NRXN1: variants seen among roughly 807,000 people sequenced by gnomAD.
The protein encoded by NRXN1 is neurexin 1, also known as neurexin-1.
Under a neutral mutation model 150.9 loss-of-function variants are expected in NRXN1, and 39 were observed. The ratio of observed to expected loss-of-function variants is 0.26; its 90% CI spans 0.20 to 0.34. NRXN1 has a LOEUF of 0.34. Among genes scored for constraint, NRXN1 ranks in the 10% least tolerant of loss-of-function variants. The pLI, the probability that NRXN1 is intolerant of heterozygous loss-of-function variation, is 1.00. For synonymous variants in NRXN1, 924 were observed against 757.0 expected, an observed-to-expected ratio of 1.22 and a Z score of -3.62; for missense variants, 1,815 against 1,949.9, an observed-to-expected ratio of 0.93 and a Z score of 1.30.
intron 18 of NRXN1, among the ~76,000 whole-genome samples, chr2:50,191,742 T>G (rs965653220): frequency 6.6e-6 from 1 of 152,218 alleles, no homozygotes; most frequent in Non-Finnish European, 1.5e-5. Flanking sequence ...CCATCTAAGT[T>G]GTTGTGTGTA....
At chr2:50,772,096 TGG>T (rs1703079319) in intron 5 of NRXN1, among the ~76,000 whole-genome samples, 1 of 151,928 alleles carries the variant, frequency 6.6e-6, no homozygotes, top group South Asian at 2.1e-4. Context: ...ATACAAGTCC[TGG>T]GGTTATGGGA....
At chr2:50,112,848 C>T (rs1393846800) in intron 18 of NRXN1, among the ~76,000 whole-genome samples, 1 of 151,870 alleles carries the variant, frequency 6.6e-6, no homozygotes, top group Non-Finnish European at 1.5e-5. Context: ...TAAATATAAT[C>T]TATTAATATA....
intron 18 of NRXN1, among the ~76,000 whole-genome samples, chr2:50,170,967 G>A (rs569586961): frequency 2.0e-4 from 31 of 152,190 alleles, no homozygotes; most frequent in African/African-American, 6.5e-4. Context: ...TATTTTGTGT[G>A]TTATATGTAG....
At chr2:50,385,310 A>G (rs552306678) in intron 17 of NRXN1, among the ~76,000 whole-genome samples, 1 of 152,184 alleles carries the variant, frequency 6.6e-6, no homozygotes, top group African/African-American at 2.4e-5. Flanking sequence ...TCATGTACAC[A>G]TGGTTAACAA....
intron 17 of NRXN1, among the ~76,000 whole-genome samples, chr2:50,374,525 G>T (rs1293699153): frequency 2.6e-5 from 4 of 151,986 alleles, no homozygotes; most frequent in African/African-American, 9.7e-5. Context: ...AAGTGGTCAA[G>T]ATGTTCACTG....
intron 5 of NRXN1, among the ~76,000 whole-genome samples, chr2:50,788,248 G>A (rs890650247): frequency 6.6e-6 from 1 of 151,740 alleles, no homozygotes; most frequent in African/African-American, 2.4e-5. Context: ...CACCATGCCT[G>A]GTTAATTTTT....
At chr2:49,928,880 A>G (rs1371610878) in intron 22 of NRXN1, among the ~76,000 whole-genome samples, 1 of 152,154 alleles carries the variant, frequency 6.6e-6, no homozygotes, top group Non-Finnish European at 1.5e-5. Context: ...ATGCCTGCAC[A>G]TTCTGAAGTA....
At chr2:50,121,274 G>C in intron 18 of NRXN1, among the ~76,000 whole-genome samples, 1 of 152,180 alleles carries the variant, frequency 6.6e-6, no homozygotes, top group Non-Finnish European at 1.5e-5. Flanking sequence ...GCCTGCCTCA[G>C]CCTCCCAAAG....
chr2:50,033,397 A>G (rs1689477859), intron 21 of NRXN1, among the ~76,000 whole-genome samples: 1 of 152,154 alleles, frequency 6.6e-6, no homozygotes, highest in Non-Finnish European at 1.5e-5. Context: ...TATTCAATAA[A>G]TGGTGCTGAG....
intron 17 of NRXN1, among the ~76,000 whole-genome samples, chr2:50,397,238 G>C (rs904169078): frequency 6.6e-6 from 1 of 152,086 alleles, no homozygotes; most frequent in Non-Finnish European, 1.5e-5. Flanking sequence ...AACTTAGCCA[G>C]AGAGCTATTA....
chr2:50,793,305 G>C (rs1334260609), intron 5 of NRXN1, among the ~76,000 whole-genome samples: 1 of 152,004 alleles, frequency 6.6e-6, no homozygotes, highest in Non-Finnish European at 1.5e-5. Context: ...AATCATGCCA[G>C]GATAAAACAG....
intron 13 of NRXN1, among the ~76,000 whole-genome samples, chr2:50,498,023 AAAG>A (rs1372525748): frequency 2.0e-5 from 3 of 152,268 alleles, no homozygotes; most frequent in African/African-American, 7.2e-5. Flanking sequence ...GCACATAGTA[AAAG>A]AAGGAGAGGG....
chr2:50,931,277 T>G (rs1168442910), intron 2 of NRXN1, among the ~76,000 whole-genome samples: 2 of 152,120 alleles, frequency 1.3e-5, no homozygotes, highest in Non-Finnish European at 2.9e-5. Flanking sequence ...ATTAAAATAC[T>G]CTTAACTTTA....
intron 2 of NRXN1, among the ~76,000 whole-genome samples, chr2:50,930,456 G>A (rs1489567311): frequency 6.6e-6 from 1 of 152,054 alleles, no homozygotes; most frequent in Non-Finnish European, 1.5e-5. Context: ...TAGTGATTAA[G>A]CTATTTGATG....
At chr2:50,505,965 A>C (rs554854851) in intron 13 of NRXN1, among the ~76,000 whole-genome samples, 1 of 152,280 alleles carries the variant, frequency 6.6e-6, no homozygotes, top group African/African-American at 2.4e-5. Context: ...CAGGAATCTA[A>C]AAATGGGGGT....
At chr2:50,984,465 A>G (rs1353327498) in intron 2 of NRXN1, among the ~76,000 whole-genome samples, 1 of 152,066 alleles carries the variant, frequency 6.6e-6, no homozygotes, top group African/African-American at 2.4e-5. Context: ...TCCATTTTAC[A>G]GTACAGACCC....
chr2:50,238,008 G>C (rs761041260), intron 17 of NRXN1, among the ~76,000 whole-genome samples: 1 of 151,994 alleles, frequency 6.6e-6, no homozygotes, highest in African/African-American at 2.4e-5. Flanking sequence ...GAAGGTGCCT[G>C]CTTCCCCTTC....
Position 50,409,556 on chromosome 2 carries a change from G to A in NRXN1, c.3364+55886C>T, listed in dbSNP as rs17040612. ...ACTTAAGCACCCTCTTTTGCATTGG[G>A]ACAGCATCACCTGGACCAGTTTAAA... is the stretch of plus-strand genomic sequence containing the variant. On this transcript the variant is annotated intron_variant, in intron 17 of 22. Coordinates refer to ENST00000401669, the MANE Select transcript of NRXN1 (RefSeq NM_001330078.2). Among the ~76,000 whole-genome samples the A allele has an allele frequency of 3.2e-3, 491 of 152,268 alleles. 3 individuals carry two copies. The highest frequency in any genetic ancestry group is 0.011 in the African/African-American group (470 of 41,554).
intron 18 of NRXN1, among the ~76,000 whole-genome samples, chr2:50,231,437 C>T (rs2064929310): frequency 6.6e-6 from 1 of 152,024 alleles, no homozygotes; most frequent in South Asian, 2.1e-4. Flanking sequence ...GTAATATTTA[C>T]TATAAATACA....
Sources: allele counts gnomAD v4.1 joint callset (sites outside exome capture counted in the v4.1 genomes callset), GRCh38; gene constraint gnomAD v4.1.1; transcripts MANE v1.5; gene names NCBI Gene and HGNC (gene_info 2026-07-23, HGNC 2026-07-21).